The following CNTN4 variants were observed in gnomAD, a reference collection of about 807,000 sequenced individuals.
CNTN4 encodes contactin 4, also known as contactin-4.
A neutral mutation model predicts 122.5 loss-of-function variants in CNTN4; 77 were observed. That is an observed-to-expected ratio of 0.63 (90% CI 0.52 to 0.76). The LOEUF is 0.76. Among genes scored for constraint, CNTN4 ranks in the 30% least tolerant of loss-of-function variants. The pLI, the probability that CNTN4 is intolerant of heterozygous loss-of-function variation, is 0.00. For missense variants in CNTN4, 1,256 were observed against 1,259.1 expected, an observed-to-expected ratio of 1.00 and a Z score of 0.04; for synonymous variants, 512 against 447.0, an observed-to-expected ratio of 1.15 and a Z score of -1.83.
chr3:2,978,112 C>T (rs924047748), intron 13 of CNTN4, among the ~76,000 whole-genome samples: 1 of 152,186 alleles, frequency 6.6e-6, no homozygotes, highest in Admixed American at 6.5e-5. Flanking sequence ...CATCCTCCAC[C>T]ACTGCCAGAG....
intron 9 of CNTN4, among the ~76,000 whole-genome samples, chr3:2,885,997 G>A (rs1403653219): frequency 6.6e-6 from 1 of 152,118 alleles, no homozygotes; most frequent in Non-Finnish European, 1.5e-5. Context: ...AGCAGAAGCT[G>A]CCAGTTTCTT....
At chr3:2,915,414 A>T (rs1298273033) in intron 12 of CNTN4, among the ~76,000 whole-genome samples, 1 of 152,230 alleles carries the variant, frequency 6.6e-6, no homozygotes, top group African/African-American at 2.4e-5. Context: ...GTAGAGAAGC[A>T]AACTACCTCA....
intron 13 of CNTN4, among the ~76,000 whole-genome samples, chr3:2,952,671 G>A (rs940654685): frequency 3.9e-5 from 6 of 151,980 alleles, no homozygotes; most frequent in Non-Finnish European, 4.4e-5. Context: ...CAATCATATG[G>A]CATTGTATGA....
intron 4 of CNTN4, among the ~76,000 whole-genome samples, chr3:2,658,133 C>T (rs2083683171): frequency 2.6e-5 from 4 of 151,004 alleles, no homozygotes; most frequent in Admixed American, 2.6e-4. Flanking sequence ...TGGCAAAACT[C>T]CAGCCAGCCT....
intron 4 of CNTN4, among the ~76,000 whole-genome samples, chr3:2,594,246 T>C (rs116157021): frequency 0.016 from 2,422 of 152,198 alleles, 53 homozygotes; most frequent in African/African-American, 0.055. Flanking sequence ...TTTTGACAAT[T>C]TGAAATGTTA....
chr3:2,385,877 A>G lies in CNTN4; in HGVS notation c.-89+46644A>G, dbSNP rs2046236102. On this transcript the variant is annotated intron_variant, in intron 3 of 24. Transcript: ENST00000418658. The surrounding 1 kb of genome is among the most constrained non-coding windows in gnomAD (Gnocchi z 4.0). ...TTCAACACATCTTTTTAGCGACACA[A>G]TTCAACCCATAACAATGTTCCATCA... Among the ~76,000 whole-genome samples, 1 of 152,054 alleles carries G rather than the reference A, an allele frequency of 6.6e-6. No individual in the cohort carries two copies. Among genetic ancestry groups the G allele is most frequent in the Non-Finnish European group, 1.5e-5 (1 of 68,028 alleles).
chr3:2,645,619 G>A (rs532953770), intron 4 of CNTN4, among the ~76,000 whole-genome samples: 1 of 152,258 alleles, frequency 6.6e-6, no homozygotes, highest in South Asian at 2.1e-4. Flanking sequence ...TTTCTTTGCT[G>A]TAATTTGTTC....
intron 23 of CNTN4, among the ~76,000 whole-genome samples, chr3:3,044,361 C>T (rs772589967): frequency 6.6e-6 from 1 of 152,146 alleles, no homozygotes; most frequent in Non-Finnish European, 1.5e-5. Flanking sequence ...TATGACTTTG[C>T]AATGTGGATA....
At chr3:2,612,972 T>TG (rs2081563798) in intron 4 of CNTN4, among the ~76,000 whole-genome samples, 1 of 152,164 alleles carries the variant, frequency 6.6e-6, no homozygotes, top group South Asian at 2.1e-4. Flanking sequence ...AGAGGAAGCA[T>TG]CTTAGGGTGC....
chr3:2,328,140 C>T (rs1477094498), intron 2 of CNTN4, among the ~76,000 whole-genome samples: 2 of 152,096 alleles, frequency 1.3e-5, no homozygotes, highest in African/African-American at 2.4e-5. Context: ...CAGTTTTGGC[C>T]GGGCGTGGTA....
intron 11 of CNTN4, among the ~76,000 whole-genome samples, chr3:2,901,067 A>G (rs533128967): frequency 8.5e-5 from 13 of 152,222 alleles, no homozygotes; most frequent in East Asian, 1.9e-4. Flanking sequence ...ATGTGACTTT[A>G]TAATGGGAAA....
At chr3:2,386,143 T>A (rs1053106642) in intron 3 of CNTN4, among the ~76,000 whole-genome samples, 1 of 152,118 alleles carries the variant, frequency 6.6e-6, no homozygotes, top group Non-Finnish European at 1.5e-5. Flanking sequence ...TATCTTCATA[T>A]CTCATTGCCT....
At chr3:2,809,124 A>C (rs2092542897) in intron 6 of CNTN4, among the ~76,000 whole-genome samples, 1 of 152,244 alleles carries the variant, frequency 6.6e-6, no homozygotes, top group South Asian at 2.1e-4. Flanking sequence ...AGTAAAAAAG[A>C]AAGTACACAA....
intron 15 of CNTN4, among the ~76,000 whole-genome samples, chr3:3,029,251 A>C (rs1698975642): frequency 6.6e-6 from 1 of 152,132 alleles, no homozygotes; most frequent in Non-Finnish European, 1.5e-5. Flanking sequence ...TGTCTGTTTC[A>C]CAAAAAAATG....
intron 3 of CNTN4, among the ~76,000 whole-genome samples, chr3:2,382,216 C>A (rs939698683): frequency 6.7e-6 from 1 of 150,112 alleles, no homozygotes; most frequent in Non-Finnish European, 1.5e-5. Context: ...GTCACCCAGG[C>A]TGGAGTGCAG....
At chr3:2,154,186 A>T (rs1331195830) in intron 2 of CNTN4, among the ~76,000 whole-genome samples, 1 of 152,074 alleles carries the variant, frequency 6.6e-6, no homozygotes, top group Non-Finnish European at 1.5e-5. Flanking sequence ...AGAGTTCGAG[A>T]CCAGCATGGC....
At chr3:2,640,530 C>T (rs944041672) in intron 4 of CNTN4, among the ~76,000 whole-genome samples, 6 of 152,088 alleles carry the variant, frequency 3.9e-5, no homozygotes, top group Admixed American at 6.6e-5. Context: ...TGATGCAGTT[C>T]TTTAAGAAAA....
intron 12 of CNTN4, among the ~76,000 whole-genome samples, chr3:2,904,980 A>G (rs991309012): frequency 1.3e-5 from 2 of 152,170 alleles, no homozygotes; most frequent in Admixed American, 6.5e-5. Flanking sequence ...CTGCTTAATG[A>G]TTTATATCTA....
intron 3 of CNTN4, among the ~76,000 whole-genome samples, chr3:2,521,657 A>G (rs1842220): frequency 0.74 from 112,736 of 151,950 alleles, 41,938 homozygotes; most frequent in East Asian, 0.87. Flanking sequence ...ATTTCACCGT[A>G]TAAAAAGAAA....
Sources: allele counts gnomAD v4.1 joint callset (sites outside exome capture counted in the v4.1 genomes callset), GRCh38; gene constraint gnomAD v4.1.1; non-coding constraint Gnocchi (gnomAD v3.1); transcripts MANE v1.5; gene names NCBI Gene and HGNC (gene_info 2026-07-23, HGNC 2026-07-21).